Variants in ZNF28 observed in about 807,000 individuals in gnomAD.
The protein encoded by ZNF28 is zinc finger protein KOX24.
A neutral mutation model predicts 7.2 loss-of-function variants in ZNF28; 5 were observed. The observed-to-expected ratio is 0.70, with a 90% CI of 0.36 to 1.46. The LOEUF (loss-of-function observed/expected upper bound fraction) is 1.46, where lower values mean the gene tolerates loss of function less well. Among genes scored for constraint, ZNF28 ranks in the 40% most tolerant of loss-of-function variants. ZNF28 has a pLI of 0.03. For synonymous variants in ZNF28, 288 were observed against 292.4 expected, an observed-to-expected ratio of 0.99 and a Z score of 0.15; for missense variants, 879 against 866.6, an observed-to-expected ratio of 1.01 and a Z score of -0.18.
intron 1 of ZNF28, among the ~76,000 whole-genome samples, chr19:52,820,108 CTTTT>C (rs71183842): frequency 8.3e-6 from 1 of 120,322 alleles, no homozygotes; most frequent in Admixed American, 8.4e-5. Context: ...TATTTAACCT[CTTTT>C]TTTTTTTTTT....
rs533375528 is a variant in ZNF28, at chr19:52,815,951, TA to T, written c.15+1992del. 6.3e-4 allele frequency among the ~76,000 whole-genome samples: 92 copies of T among 146,072 alleles called. 12 individuals are homozygous for T. Among genetic ancestry groups the T allele is most frequent in the African/African-American group, 2.2e-3 (83 of 37,880 alleles). On this transcript the variant is annotated intron_variant, in intron 2 of 3. Transcript: ENST00000457749. ...TTCACATGTAGCCCCAAACGTAAAG[TA>T]AAAAAAAATACATAAAAATTTTTCT... is the stretch of plus-strand genomic sequence containing the variant.
At position 52,800,834 on chromosome 19, in the gene ZNF28, T is replaced by C. The variant is rs776305843; in HGVS notation, c.1011A>G (p.Thr337=). Residue 337 remains threonine, a synonymous_variant, in exon 4 of 4, where the codon ACA becomes ACG. Coordinates refer to ENST00000457749, the MANE Select transcript of ZNF28 (RefSeq NM_006969.5). The part of the protein sequence containing the change: ...YKCKVCDKAF[T]CNSYLAKHTI... ...TATGTTTTGCTAGGTATGAATTACA[T>C]GTGAAAGCTTTGTCACAAACCTTAC... 13 of 1,614,090 alleles carry C rather than the reference T, an allele frequency of 8.1e-6. No homozygotes were observed. The highest frequency in any genetic ancestry group is 4.4e-5 in the South Asian group (4 of 91,074).
At chr19:52,810,667 A>G in intron 2 of ZNF28, 1 of 999,846 alleles carries the variant, frequency 1.0e-6, no homozygotes, top group Non-Finnish European at 1.6e-6. Flanking sequence ...TCGCGTCTAC[A>G]GGGGCCGGGC....
At chr19:52,820,870 T>C (rs2063188429) in intron 1 of ZNF28, among the ~76,000 whole-genome samples, 1 of 152,100 alleles carries the variant, frequency 6.6e-6, no homozygotes, top group South Asian at 2.1e-4. Flanking sequence ...ATTCTTCTTT[T>C]CTCTGTCTCA....
intron 2 of ZNF28, among the ~76,000 whole-genome samples, chr19:52,817,702 C>T (rs1450023014): frequency 2.0e-5 from 3 of 152,150 alleles, no homozygotes; most frequent in Admixed American, 2.0e-4. Context: ...ACCCCGTCTC[C>T]ATCCATGTCT....
At chr19:52,804,561 G>A (rs2062913012) in intron 3 of ZNF28, among the ~76,000 whole-genome samples, 1 of 152,198 alleles carries the variant, frequency 6.6e-6, no homozygotes, top group Non-Finnish European at 1.5e-5. Context: ...AGTAGAGACA[G>A]GGTTTCACCA....
chr19:52,814,043 T>C (rs2063090337), intron 2 of ZNF28, among the ~76,000 whole-genome samples: 1 of 146,510 alleles, frequency 6.8e-6, no homozygotes, highest in Non-Finnish European at 1.5e-5. Flanking sequence ...AAGAAAAAAC[T>C]TTTTTAAGTT....
chr19:52,808,089 CT>C lies in ZNF28; in HGVS notation c.59del (p.Glu20GlyfsTer17). The C allele has an allele frequency of 6.2e-7, 1 of 1,613,482 alleles. No homozygotes were observed. On this transcript the variant is annotated frameshift_variant, in exon 3 of 4. Coordinates refer to ENST00000457749, the MANE Select transcript of ZNF28 (RefSeq NM_006969.5). LOFTEE classifies it high-confidence loss of function. ...FRDVAIEFSQ[E>X]EWKCLDPAQR... ...GAGCAGGGTCCAGGCATTTCCACTC[CT>C]CCTGAGAGAATTCTATGGCCACGTC...
At chr19:52,813,425 G>T (rs979896472) in intron 2 of ZNF28, among the ~76,000 whole-genome samples, 1 of 147,420 alleles carries the variant, frequency 6.8e-6, no homozygotes, top group African/African-American at 2.6e-5. Context: ...GCTGCTCCCC[G>T]TGTTTCCCTG....
At chr19:52,815,533 A>T (rs1398551595) in intron 2 of ZNF28, among the ~76,000 whole-genome samples, 1 of 144,214 alleles carries the variant, frequency 6.9e-6, no homozygotes, top group Non-Finnish European at 1.5e-5. Flanking sequence ...AATAAATAAA[A>T]AAAATAACTG....
intron 2 of ZNF28, among the ~76,000 whole-genome samples, chr19:52,815,779 T>C (rs1347345472): frequency 2.7e-5 from 4 of 145,766 alleles, no homozygotes; most frequent in Non-Finnish European, 4.4e-5. Context: ...GAGCCGAGAT[T>C]GCACCACTGC....
chr19:52,808,467 G>A (rs543045802), intron 2 of ZNF28, among the ~76,000 whole-genome samples: 1 of 152,186 alleles, frequency 6.6e-6, no homozygotes, highest in South Asian at 2.1e-4. Context: ...CTTAAAAGAT[G>A]ACAATGTCCA....
At chr19:52,812,152 G>GC (rs1254337469) in intron 2 of ZNF28, among the ~76,000 whole-genome samples, 1 of 125,804 alleles carries the variant, frequency 7.9e-6, no homozygotes. Context: ...GGGGGGGTCA[G>GC]CCCCCCGCCC....
intron 3 of ZNF28, among the ~76,000 whole-genome samples, chr19:52,802,267 G>C (rs1440057896): frequency 6.6e-6 from 1 of 152,144 alleles, no homozygotes; most frequent in South Asian, 2.1e-4. Context: ...TACTCTGAAG[G>C]CTGTGTCACA....
At chr19:52,804,749 C>T (rs2062915451) in intron 3 of ZNF28, among the ~76,000 whole-genome samples, 1 of 152,172 alleles carries the variant, frequency 6.6e-6, no homozygotes, top group East Asian at 1.9e-4. Context: ...AAGCGATCTA[C>T]CCACCTTGGT....
chr19:52,809,143 G>A (rs1259584977), intron 2 of ZNF28, among the ~76,000 whole-genome samples: 4 of 152,142 alleles, frequency 2.6e-5, no homozygotes, highest in East Asian at 3.8e-4. Context: ...GGGCAGTTGC[G>A]GGCAGGGGGA....
intron 3 of ZNF28, among the ~76,000 whole-genome samples, chr19:52,803,577 T>C (rs540959521): frequency 7.1e-4 from 108 of 152,308 alleles, no homozygotes; most frequent in African/African-American, 2.3e-3. Context: ...AACTTGTACT[T>C]ACCACCAGCA....
chr19:52,811,037 G>A (rs1252765652), intron 2 of ZNF28, among the ~76,000 whole-genome samples: 2 of 148,036 alleles, frequency 1.4e-5, no homozygotes, highest in African/African-American at 4.9e-5. Flanking sequence ...TTGCAGGCAC[G>A]CGCCGCCACG....
At position 52,814,196 on chromosome 19, in the gene ZNF28, T is replaced by G. The variant is rs1323214360; in HGVS notation, c.15+3748A>C. On this transcript the variant is annotated intron_variant, in intron 2 of 3. Transcript: ENST00000457749. ...TGGAGGACGTGACAGGGAAAGGAGA[T>G]GCTTTATGGCCAAGGGTCTAAGCTG... The G allele has an allele frequency of 2.0e-5, 3 of 146,482 alleles. 1 individual carries two copies. Among genetic ancestry groups the G allele is most frequent in the African/African-American group, 5.3e-5 (2 of 37,666 alleles). 9.1% of individuals were successfully genotyped at this position (146,482 alleles called of 1,614,324 possible). A position where few individuals can be genotyped will look rare whatever the true frequency, so the allele number is the denominator to read the frequency against.
Sources: gnomAD v4.1 joint callset for allele counts (sites outside exome capture counted in the v4.1 genomes callset) on GRCh38, gnomAD v4.1.1 for gene constraint, MANE v1.5 for transcripts, NCBI Gene and HGNC (gene_info 2026-07-23, HGNC 2026-07-21) for gene names.